Variants in BICRA observed in about 807,000 individuals in gnomAD.
BICRA encodes the protein BRD4-interacting chromatin-remodeling complex-associated protein.
In BICRA, 31 loss-of-function variants were observed where a neutral mutation model predicts 96.9. The ratio of observed to expected loss-of-function variants is 0.32; its 90% confidence interval spans 0.24 to 0.43. The LOEUF (loss-of-function observed/expected upper bound fraction) is 0.43. Among genes scored for constraint, BICRA ranks in the 20% least tolerant of loss-of-function variants. The pLI, the probability that BICRA is intolerant of heterozygous loss-of-function variation, is 1.00. For missense variants in BICRA, 2,283 were observed against 2,190.3 expected (o/e 1.04, Z -0.84); for synonymous variants, 1,350 against 1,071.8 (o/e 1.26, Z -5.07).
chr19:47,656,223 C>T (rs1972616782), intron 1 of BICRA, among the ~76,000 whole-genome samples: 1 of 151,782 alleles, frequency 6.6e-6, no homozygotes, highest in South Asian at 2.1e-4. Context: ...CACACCACTG[C>T]ACCCCAGCCT....
intron 1 of BICRA, among the ~76,000 whole-genome samples, chr19:47,632,292 A>G (rs940998118): frequency 6.6e-6 from 1 of 152,246 alleles, no homozygotes; most frequent in Non-Finnish European, 1.5e-5. Flanking sequence ...ACTGCTGGCA[A>G]ACAGCAGCCG....
intron 10 of BICRA, 89 bp from the exon 11 acceptor site, chr19:47,696,362 C>A: frequency 1.6e-6 from 2 of 1,234,642 alleles, no homozygotes; most frequent in Non-Finnish European, 2.3e-6. Context: ...GTCCCCTGTC[C>A]CGTCTTTATC....
At position 47,682,056 on chromosome 19, in the gene BICRA, C is replaced by A; in HGVS notation, c.2187C>A (p.Pro729=). ...CGGTCATAGTCAGCGCCCCGCCTCC[C>A]GCCCAAGACCCAGCCCCAGCCACCC... ...PASVIVSAPP[P]AQDPAPATPV... Residue 729 remains proline, a synonymous_variant, in exon 7 of 15, where the codon CCC becomes CCA. Coordinates refer to ENST00000594866, the MANE Select transcript of BICRA (RefSeq NM_001394372.1). 2 of 1,542,232 alleles carry A rather than the reference C, an allele frequency of 1.3e-6. No individual in the cohort carries two copies. The highest frequency in any genetic ancestry group is 1.9e-4 in the Middle Eastern group (1 of 5,164).
rs984192572 is a variant in BICRA at position 47,679,801 on chromosome 19, A to C, written c.631A>C (p.Ile211Leu). Residue 211 changes from isoleucine to leucine, a missense_variant, in exon 6 of 15, where the codon ATC becomes CTC. Transcript: ENST00000594866. The part of the protein sequence containing the change: ...VGLGNVTLQP[I>L]PGLQGLPNGS... ...CCTGGGCAATGTGACACTGCAGCCC[A>C]TCCCGGGCCTCCAAGGCCTGCCCAA... 6.7e-7 allele frequency: 1 copy of C among 1,488,500 alleles called. No individual in the cohort carries two copies. Among genetic ancestry groups the C allele is most frequent in the Non-Finnish European group, 8.9e-7 (1 of 1,121,082 alleles). 92.2% of individuals were successfully genotyped at this position (1,488,500 alleles called of 1,614,324 possible). A position where few individuals can be genotyped will look rare whatever the true frequency, so the allele number is the denominator to read the frequency against.
chr19:47,645,839 G>T (rs1409526253), intron 1 of BICRA, among the ~76,000 whole-genome samples: 1 of 152,228 alleles, frequency 6.6e-6, no homozygotes, highest in Non-Finnish European at 1.5e-5. Flanking sequence ...GCTCACGCCT[G>T]TAATCCCAGC....
At chr19:47,652,290 A>G (rs948298769) in intron 1 of BICRA, among the ~76,000 whole-genome samples, 1 of 152,082 alleles carries the variant, frequency 6.6e-6, no homozygotes, top group South Asian at 2.1e-4. Flanking sequence ...GGCTCAAGCA[A>G]TCCTCCTACC....
At chr19:47,696,802 G>T (rs887223484) in intron 11 of BICRA, among the ~76,000 whole-genome samples, 12 of 152,218 alleles carry the variant, frequency 7.9e-5, no homozygotes, top group African/African-American at 2.6e-4. Context: ...CTCCCACACG[G>T]CTGGGCCGCG....
At chr19:47,666,402 G>T (rs890569004) in intron 1 of BICRA, among the ~76,000 whole-genome samples, 1 of 150,498 alleles carries the variant, frequency 6.6e-6, no homozygotes, top group Non-Finnish European at 1.5e-5. Context: ...GCCTCAGCCT[G>T]CGGAGTAACT....
At position 47,680,908 on chromosome 19, in the gene BICRA, A is replaced by C; in HGVS notation, c.1738A>C (p.Thr580Pro). ...SQPAPAGPAATTVLQGVTLPP... is the reference protein window; with the variant it reads ...SQPAPAGPAAPTVLQGVTLPP... ...GCCAGCGCCCGCCGGGCCGGCCGCCACCACTGTCCTCCAGGGGGTCACCCT... is the reference window on the plus strand; with the variant it reads ...GCCAGCGCCCGCCGGGCCGGCCGCCCCCACTGTCCTCCAGGGGGTCACCCT... Residue 580 changes from threonine (T) to proline (P), a missense_variant, in exon 6 of 15, where the codon ACC (threonine) becomes CCC (proline). Thr to Pro is a conservative substitution (Grantham distance 38). Transcript: ENST00000594866. The C allele has an allele frequency of 6.7e-7, 1 of 1,484,030 alleles. No homozygotes were observed. The highest frequency in any genetic ancestry group is 8.9e-7 in the Non-Finnish European group (1 of 1,129,524). 91.9% of individuals were successfully genotyped at this position (1,484,030 alleles called of 1,614,324 possible).
Position 47,617,275 on chromosome 19 carries a change from G to A in BICRA, c.-108+8107G>A, listed in dbSNP as rs150511697. 1.6e-3 allele frequency among the ~76,000 whole-genome samples: 245 copies of A among 151,752 alleles called. 2 individuals carry two copies. Among genetic ancestry groups the A allele is most frequent in the African/African-American group, 5.4e-3 (225 of 41,402 alleles). On this transcript the variant is annotated intron_variant, in intron 1 of 14. Transcript: ENST00000594866. The stretch of plus-strand genomic sequence containing the variant: ...TAGGCATGAGCAACTGCACCTGGCC[G>A]TCTTTGTTTATTATTATTTTGTTTT...
Position 47,695,719 on chromosome 19 carries a change from C to T in BICRA, c.3186+245C>T, listed in dbSNP as rs374725304. Among the ~76,000 whole-genome samples, 267 of 152,096 alleles carry T rather than the reference C, an allele frequency of 1.8e-3. 7 individuals are homozygous for T. The South Asian group carries it at 0.054, about 31-fold the overall frequency. On this transcript the variant is annotated intron_variant, in intron 10 of 14. Coordinates refer to ENST00000594866, the MANE Select transcript of BICRA (RefSeq NM_001394372.1). ...ACGGAGACGGCACCAAGACTACTGG[C>T]AACAGTGTAAGGGACTATGACTGGG...
Position 47,698,677 on chromosome 19 carries a change from C to A in BICRA, c.3292C>A (p.Pro1098Thr). ...CAAACACCAGGGCTCCGTCCTGCAC[C>A]CCGACTACAAGACGGCCTTCCCCTC... Reference protein sequence around the residue: ...LHKHQGSVLHPDYKTAFPSFE... With the variant: ...LHKHQGSVLHTDYKTAFPSFE... The change falls in exon 12 of 15, where the codon CCC (proline) becomes ACC (threonine). Residue 1098 changes from proline to threonine, a missense_variant. Physicochemically the swap from Pro to Thr is conservative, Grantham distance 38 (BLOSUM62 -1). Transcript: ENST00000594866. This position sits in a 1 kb window ranked among gnomAD's most constrained non-coding sequence, Gnocchi z 4.8. The A allele has an allele frequency of 6.3e-7, 1 of 1,583,072 alleles. No homozygotes were observed. The highest frequency in any genetic ancestry group is 8.7e-7 in the Non-Finnish European group (1 of 1,151,658).
chr19:47,685,089 C>T (rs1973124038), intron 7 of BICRA, among the ~76,000 whole-genome samples: 1 of 152,132 alleles, frequency 6.6e-6, no homozygotes, highest in Admixed American at 6.6e-5. Flanking sequence ...CCCACCTCAG[C>T]CTCCGAAGTA....
chr19:47,659,834 T>C (rs2081178), intron 1 of BICRA, among the ~76,000 whole-genome samples: 109,367 of 151,748 alleles, frequency 0.72, 39,805 homozygotes, highest in African/African-American at 0.81. Flanking sequence ...ACCACAGCCT[T>C]AGCCTCCCAG....
chr19:47,662,900 C>T (rs1419419534), intron 1 of BICRA: 1 of 152,238 alleles, frequency 6.6e-6, no homozygotes, highest in East Asian at 1.9e-4. Context: ...TTTGACCTCT[C>T]TTCTTAATCA....
chr19:47,643,695 G>C (rs140559184), intron 1 of BICRA, among the ~76,000 whole-genome samples: 1 of 152,178 alleles, frequency 6.6e-6, no homozygotes, highest in Admixed American at 6.5e-5. Context: ...TGCTTTTCTC[G>C]TGGTGGCCCT....
At chr19:47,623,749 G>A (rs1162083104) in intron 1 of BICRA, among the ~76,000 whole-genome samples, 3 of 152,132 alleles carry the variant, frequency 2.0e-5, no homozygotes, top group Non-Finnish European at 2.9e-5. Context: ...CAGGCTTTGG[G>A]GCTTGGGGGT....
rs1482912579 is a variant in BICRA, at chr19:47,694,407, A to G, written c.2576A>G (p.Gln859Arg). The change falls in exon 8 of 15, where the codon CAG (glutamine) becomes CGG (arginine). Residue 859 changes from glutamine to arginine, a missense_variant. Coordinates refer to ENST00000594866, the MANE Select transcript of BICRA (RefSeq NM_001394372.1). ...GCCCCTACTGCCCCAGGCCCGCCGC[A>G]GCCGCCTCTCCGCCCCCAGTCCCAG... ...NPAPTAPGPP[Q>R]PPLRPQSQPP... 1 of 873,858 alleles carries G rather than the reference A, an allele frequency of 1.1e-6. No homozygotes were observed. The highest frequency in any genetic ancestry group is 2.4e-5 in the Admixed American group (1 of 41,920). The allele number at this position is 873,858 out of a possible 1,614,324, so 54.1% of individuals were successfully genotyped here.
chr19:47,702,432 C>T lies in BICRA; in HGVS notation c.*17C>T, dbSNP rs1973479452. The stretch of plus-strand genomic sequence containing the variant: ...ACCAGATAACACCGGGCCGCCTCCC[C>T]TTCCCCGTCCCCTCCTCCCGAAGAC... On this transcript the variant is annotated 3_prime_UTR_variant, in exon 15 of 15. Transcript: ENST00000594866. 1 of 1,464,602 alleles carries T rather than the reference C, an allele frequency of 6.8e-7. No individual in the cohort carries two copies. The highest frequency in any genetic ancestry group is 8.9e-7 in the Non-Finnish European group (1 of 1,123,144). The allele number at this position is 1,464,602 out of a possible 1,614,324, so 90.7% of individuals were successfully genotyped here. A position where few individuals can be genotyped will look rare whatever the true frequency, so the allele number is the denominator to read the frequency against.
Sources: gnomAD v4.1 joint callset for allele counts (sites outside exome capture counted in the v4.1 genomes callset) on GRCh38, gnomAD v4.1.1 for gene constraint, Gnocchi (gnomAD v3.1) non-coding constraint, MANE v1.5 for transcripts, NCBI Gene and HGNC (gene_info 2026-07-23, HGNC 2026-07-21) for gene names.